Variants in SMC5 observed in about 807,000 individuals in gnomAD.
SMC5 encodes structural maintenance of chromosomes 5, also known as structural maintenance of chromosomes protein 5.
Under a neutral mutation model 148.3 loss-of-function variants are expected in SMC5, and 88 were observed. That is an observed-to-expected ratio of 0.59 (90% CI 0.50 to 0.71). The LOEUF (loss-of-function observed/expected upper bound fraction) is 0.71. Ranked by LOEUF, SMC5 falls within the 30% of genes least tolerant of loss-of-function variation. SMC5 has a pLI of 0.00. For missense variants in SMC5, 1,142 were observed against 1,298.9 expected (o/e 0.88, Z 1.86); for synonymous variants, 421 against 432.8 (o/e 0.97, Z 0.34).
At chr9:70,347,452 A>G (rs555815433) in intron 20 of SMC5, among the ~76,000 whole-genome samples, 161 bp from the exon 21 acceptor site, 1 of 152,350 alleles carries the variant, frequency 6.6e-6, no homozygotes, top group East Asian at 1.9e-4. Context: ...TTCAAGGATA[A>G]AAAATGTCAC....
intron 19 of SMC5, 45 bp downstream of exon 19, chr9:70,346,694 T>C: frequency 6.2e-7 from 1 of 1,603,216 alleles, no homozygotes; most frequent in South Asian, 1.1e-5. Context: ...GTTTTCCCTC[T>C]GCCTTGCTCC....
At position 70,318,612 on chromosome 9, in the gene SMC5, A is replaced by G. The variant is rs766510519; in HGVS notation, c.1905A>G (p.Thr635=). Residue 635 remains threonine, a synonymous_variant, in exon 14 of 25, where the codon ACA becomes ACG. Transcript: ENST00000361138. ...CAAACAAAGTTATTTCTAGTAACAC[A>G]TCTCTAAAAGTAGCGCAGTTTCTCA... is the stretch of plus-strand genomic sequence containing the variant. The part of the protein sequence containing the change: ...FYSNKVISSN[T]SLKVAQFLTV... The G allele has an allele frequency of 6.2e-7, 1 of 1,613,034 alleles. No individual in the cohort carries two copies. Among genetic ancestry groups the G allele is most frequent in the East Asian group, 2.2e-5 (1 of 44,820 alleles).
chr9:70,273,189 CTTTT>C (rs199876330), intron 3 of SMC5, among the ~76,000 whole-genome samples: 1 of 143,050 alleles, frequency 7.0e-6, no homozygotes, highest in Non-Finnish European at 1.5e-5. Context: ...AATCATCTGG[CTTTT>C]TTTTTTTCTA....
intron 3 of SMC5, among the ~76,000 whole-genome samples, chr9:70,274,068 A>G (rs2034520684): frequency 6.6e-6 from 1 of 152,168 alleles, no homozygotes; most frequent in African/African-American, 2.4e-5. Flanking sequence ...ATGTATTTCT[A>G]GGACATTATT....
chr9:70,305,462 C>T, intron 11 of SMC5, 102 bp downstream of exon 11: 1 of 696,954 alleles, frequency 1.4e-6, no homozygotes, highest in East Asian at 2.7e-5. Flanking sequence ...AATTTTACCA[C>T]CAGTTCACTC....
chr9:70,324,214 C>T, intron 17 of SMC5, 71 bp downstream of exon 17: 6 of 1,420,222 alleles, frequency 4.2e-6, no homozygotes, highest in Non-Finnish European at 5.7e-6. Flanking sequence ...TATATCGTGT[C>T]ATCACTAGCA....
chr9:70,295,203 C>A (rs188092109), intron 8 of SMC5, among the ~76,000 whole-genome samples: 1,629 of 151,814 alleles, frequency 0.011, 12 homozygotes, highest in Non-Finnish European at 0.016. Context: ...CGGTGGCTCA[C>A]ACCTGTAATC....
At chr9:70,336,213 CAT>C (rs973052593) in intron 17 of SMC5, among the ~76,000 whole-genome samples, 1 of 152,034 alleles carries the variant, frequency 6.6e-6, no homozygotes, top group African/African-American at 2.4e-5. Context: ...GAAATGTAGA[CAT>C]AGGACTGCAC....
chr9:70,323,350 C>T (rs1194151017), intron 15 of SMC5, 133 bp from the exon 16 acceptor site: 13 of 732,918 alleles, frequency 1.8e-5, no homozygotes, highest in African/African-American at 1.1e-4. Flanking sequence ...ATTGATTGAT[C>T]GGTTATGGGC....
intron 15 of SMC5, among the ~76,000 whole-genome samples, chr9:70,322,404 C>T (rs1270387515): frequency 1.3e-5 from 2 of 152,216 alleles, no homozygotes; most frequent in African/African-American, 4.8e-5. Context: ...CTACTATCTC[C>T]TACTTCTGTT....
At chr9:70,347,739 T>G in intron 21 of SMC5, 22 bp downstream of exon 21, 1 of 1,415,224 alleles carries the variant, frequency 7.1e-7, no homozygotes, top group South Asian at 1.3e-5. Flanking sequence ...GTTTTTAATC[T>G]TTTTATCATG....
At chr9:70,340,954 G>T (rs991654814) in intron 17 of SMC5, among the ~76,000 whole-genome samples, 1 of 152,024 alleles carries the variant, frequency 6.6e-6, no homozygotes, top group Non-Finnish European at 1.5e-5. Flanking sequence ...GGGATATTTT[G>T]TACATTTCAC....
chr9:70,342,258 A>C (rs201141864), intron 17 of SMC5, among the ~76,000 whole-genome samples: 1 of 92,676 alleles, frequency 1.1e-5, no homozygotes, highest in Non-Finnish European at 2.1e-5. Flanking sequence ...GGGAGGGGGG[A>C]GGGATAGCAT....
intron 2 of SMC5, among the ~76,000 whole-genome samples, chr9:70,267,481 C>T (rs1220962804): frequency 3.9e-5 from 6 of 152,098 alleles, no homozygotes; most frequent in African/African-American, 9.7e-5. Flanking sequence ...ATTTAACCTG[C>T]GCGACTGTAG....
At chr9:70,346,721 T>G in intron 19 of SMC5, 72 bp downstream of exon 19, 1 of 1,505,036 alleles carries the variant, frequency 6.6e-7, no homozygotes. Context: ...GCCATTTGCT[T>G]TAAGGCCCGG....
intron 8 of SMC5, among the ~76,000 whole-genome samples, chr9:70,291,138 A>G (rs1298866409): frequency 6.6e-6 from 1 of 152,066 alleles, no homozygotes; most frequent in African/African-American, 2.4e-5. Flanking sequence ...CTAGTTCTGT[A>G]AAGTTCTTAT....
rs953425753 is a variant in SMC5, at chr9:70,307,792, C to G, written c.1578+2432C>G. 5.3e-5 allele frequency among the ~76,000 whole-genome samples: 8 copies of G among 152,296 alleles called. No homozygotes were observed. The South Asian group carries it at 1.7e-3, about 32-fold the overall frequency. On this transcript the variant is annotated intron_variant, in intron 11 of 24. Transcript: ENST00000361138. ...GTGCTGGGATTACAGACGTGAACCA[C>G]CACGCCCGGTCAATTCATTACTATT...
chr9:70,298,081 C>T lies in SMC5; in HGVS notation c.1169C>T (p.Thr390Met), dbSNP rs748742214. 5 of 1,613,926 alleles carry T rather than the reference C, an allele frequency of 3.1e-6. No homozygotes were observed. The East Asian group carries it at 6.7e-5, about 22-fold the overall frequency. ...IEDLQNELKT[T>M]ENCENLQPQI... ...GATTTGCAAAATGAACTAAAGACCA[C>T]GGAAAACTGCGAGAATCTTCAGCCC... Residue 390 changes from threonine (T) to methionine (M), a missense_variant, in exon 9 of 25, where the codon ACG becomes ATG. Thr to Met is a moderately conservative substitution (Grantham distance 81). This residue lies in a region of SMC5 where 743 missense variants were observed against 835.7 expected (regional missense o/e 0.89). Coordinates refer to ENST00000361138, the MANE Select transcript of SMC5 (RefSeq NM_015110.4).
intron 3 of SMC5, among the ~76,000 whole-genome samples, chr9:70,273,069 G>A (rs1008515889): frequency 3.3e-5 from 5 of 151,854 alleles, no homozygotes; most frequent in Admixed American, 3.3e-4. Context: ...ATTTTATTTA[G>A]AATTTTTACA....
Sources: gnomAD v4.1 joint callset for allele counts (sites outside exome capture counted in the v4.1 genomes callset) on GRCh38, gnomAD v4.1.1 for gene constraint, gnomAD v4.1.1 regional missense constraint, MANE v1.5 for transcripts, NCBI Gene and HGNC (gene_info 2026-07-23, HGNC 2026-07-21) for gene names.